Variants in MAST2 observed in about 807,000 individuals in gnomAD.
The protein encoded by MAST2 is microtubule-associated serine/threonine-protein kinase 2.
A neutral mutation model predicts 147.4 loss-of-function variants in MAST2; 70 were observed. The observed-to-expected ratio is 0.47, with a 90% CI of 0.39 to 0.58. The LOEUF is 0.58. Among genes scored for constraint, MAST2 ranks in the 20% least tolerant of loss-of-function variants. The probability of loss-of-function intolerance (pLI) is 0.00; values close to 1 mark genes in which losing one functional copy is unlikely to be tolerated. For missense variants in MAST2, 2,080 were observed against 2,302.3 expected, an observed-to-expected ratio of 0.90 and a Z score of 1.98; for synonymous variants, 869 against 896.8, an observed-to-expected ratio of 0.97 and a Z score of 0.55.
chr1:45,830,595 G>T (rs141330852), intron 3 of MAST2, among the ~76,000 whole-genome samples: 362 of 152,286 alleles, frequency 2.4e-3, no homozygotes, highest in Non-Finnish European at 3.5e-3. Context: ...TCCTGGGAAA[G>T]AACATTCTTT....
chr1:46,008,450 A>G (rs1019368004), intron 9 of MAST2, 79 bp downstream of exon 9: 46 of 915,146 alleles, frequency 5.0e-5, no homozygotes, highest in Non-Finnish European at 8.1e-5. Context: ...GAGACTCTGG[A>G]GTGAAGGAAT....
rs74427240 is a variant in MAST2 at position 45,971,486 on chromosome 1, A to G, written c.592+12009A>G. 2.9e-3 allele frequency among the ~76,000 whole-genome samples: 445 copies of G among 152,322 alleles called. 3 individuals are homozygous for G. The highest frequency in any genetic ancestry group is 0.02 in the East Asian group (105 of 5,188). On this transcript the variant is annotated intron_variant, in intron 5 of 28. Transcript: ENST00000361297. Reference sequence around the variant, plus strand: ...AAGGCTGTGGAAAGGTGTCTGTGTGATTGGGGCAGAGCAACCCACATATCC... The same window carrying G: ...AAGGCTGTGGAAAGGTGTCTGTGTGGTTGGGGCAGAGCAACCCACATATCC...
chr1:46,002,488 G>A (rs1309983104), intron 6 of MAST2, among the ~76,000 whole-genome samples: 1 of 152,128 alleles, frequency 6.6e-6, no homozygotes, highest in East Asian at 1.9e-4. Context: ...GGAATCCTCT[G>A]TCATTGTTTC....
At chr1:45,919,871 C>T (rs1290483684) in intron 4 of MAST2, among the ~76,000 whole-genome samples, 3 of 151,796 alleles carry the variant, frequency 2.0e-5, no homozygotes, top group African/African-American at 7.3e-5. Flanking sequence ...CTTTTGTATC[C>T]ATGCCATGCA....
At chr1:46,013,331 CA>C (rs1468088501) in intron 10 of MAST2, among the ~76,000 whole-genome samples, 1 of 152,076 alleles carries the variant, frequency 6.6e-6, no homozygotes, top group African/African-American at 2.4e-5. Context: ...AAACAGTCAA[CA>C]AACATTGACT....
intron 5 of MAST2, among the ~76,000 whole-genome samples, chr1:45,979,429 G>T (rs201386939): frequency 5.1e-4 from 73 of 143,090 alleles, no homozygotes; most frequent in Non-Finnish European, 8.0e-4. Context: ...CAGATTTTTT[G>T]TTTTTTTTTT....
chr1:45,839,375 G>A (rs988632129), intron 3 of MAST2, among the ~76,000 whole-genome samples: 2 of 151,956 alleles, frequency 1.3e-5, no homozygotes, highest in Admixed American at 1.3e-4. Context: ...TGATCTGCCC[G>A]CCTCAGCCTC....
intron 3 of MAST2, among the ~76,000 whole-genome samples, chr1:45,857,001 C>A (rs987069737): frequency 1.3e-5 from 2 of 152,088 alleles, no homozygotes; most frequent in South Asian, 2.1e-4. Context: ...GTATCTCAAA[C>A]GTCAAATTTG....
intron 4 of MAST2, among the ~76,000 whole-genome samples, chr1:45,942,223 G>A (rs1657406224): frequency 1.3e-5 from 2 of 151,464 alleles, no homozygotes; most frequent in African/African-American, 4.9e-5. Context: ...ATATGGAACT[G>A]TAATTTTCTT....
At chr1:45,807,716 A>G (rs1156298684) in intron 1 of MAST2, among the ~76,000 whole-genome samples, 2 of 151,788 alleles carry the variant, frequency 1.3e-5, no homozygotes, top group Non-Finnish European at 2.9e-5. Context: ...TAATTTTTGT[A>G]TTTTTAGTAG....
intron 4 of MAST2, among the ~76,000 whole-genome samples, chr1:45,901,234 C>T (rs1649712204): frequency 6.6e-6 from 1 of 152,048 alleles, no homozygotes. Context: ...GCCAATTTTC[C>T]CAGCACCATT....
chr1:46,014,179 T>A (rs1023595870), intron 10 of MAST2, among the ~76,000 whole-genome samples: 4 of 152,108 alleles, frequency 2.6e-5, no homozygotes, highest in South Asian at 2.1e-4. Context: ...TTTTCTTTTT[T>A]TTATTATTAT....
rs750665035 is a variant in MAST2, at chr1:46,035,378, C to T, written c.4709C>T (p.Pro1570Leu). The T allele has an allele frequency of 6.2e-7, 1 of 1,612,878 alleles. No individual in the cohort carries two copies. ...PSLLTGITLG[P>L]PRMESPSGPH... Reference sequence around the variant, plus strand: ...CTATTGACAGGGATCACACTGGGGCCTCCCAGAATGGAAAGTCCCAGTGGT... The same window carrying T: ...CTATTGACAGGGATCACACTGGGGCTTCCCAGAATGGAAAGTCCCAGTGGT... The change falls in exon 29 of 29, where the codon CCT becomes CTT. Residue 1570 changes from proline (P) to leucine (L), a missense_variant. By Grantham distance (98) the Pro-to-Leu change is moderately conservative. Around this residue, in one of 4 missense-constraint regions of MAST2, gnomAD observed 1,278 missense variants for 1,304.2 expected, o/e 0.98. Transcript: ENST00000361297. The surrounding 1 kb of genome is among the most constrained non-coding windows in gnomAD (Gnocchi z 5.5).
chr1:45,813,487 G>A (rs1303950467), intron 1 of MAST2, among the ~76,000 whole-genome samples: 1 of 144,952 alleles, frequency 6.9e-6, no homozygotes, highest in Non-Finnish European at 1.5e-5. Context: ...CCGCCACCAC[G>A]CCTGGCCAAT....
At chr1:45,847,220 G>C (rs545614986) in intron 3 of MAST2, 1 of 529,410 alleles carries the variant, frequency 1.9e-6, no homozygotes, top group Non-Finnish European at 3.9e-6. Context: ...GAATCTCAAA[G>C]CCACATCCTT....
chr1:45,990,824 GGTCT>G (rs1289800745), intron 5 of MAST2, among the ~76,000 whole-genome samples: 1 of 151,896 alleles, frequency 6.6e-6, no homozygotes, highest in Non-Finnish European at 1.5e-5. Context: ...CCTAGTCTAT[GGTCT>G]GTCTTTTTCA....
intron 5 of MAST2, among the ~76,000 whole-genome samples, chr1:45,990,431 C>A (rs1287045697): frequency 3.9e-5 from 6 of 151,952 alleles, no homozygotes; most frequent in African/African-American, 1.2e-4. Flanking sequence ...ACACATTTGT[C>A]TTTTATCAAG....
At chr1:45,913,383 C>T (rs1056740715) in intron 4 of MAST2, among the ~76,000 whole-genome samples, 4 of 152,210 alleles carry the variant, frequency 2.6e-5, no homozygotes, top group African/African-American at 9.6e-5. Flanking sequence ...AATAGTATTT[C>T]TGACACAGTG....
chr1:45,845,791 G>A (rs1645412447), intron 3 of MAST2, among the ~76,000 whole-genome samples: 2 of 152,120 alleles, frequency 1.3e-5, no homozygotes, highest in South Asian at 2.1e-4. Context: ...GAGACGGAGT[G>A]TCTCTGTCGC....
Sources: gnomAD v4.1 joint callset for allele counts (sites outside exome capture counted in the v4.1 genomes callset) on GRCh38, gnomAD v4.1.1 for gene constraint, gnomAD v4.1.1 regional missense constraint, Gnocchi (gnomAD v3.1) non-coding constraint, MANE v1.5 for transcripts, NCBI Gene and HGNC (gene_info 2026-07-23, HGNC 2026-07-21) for gene names.